XKR9: variants seen among roughly 807,000 people sequenced by gnomAD.
XKR9 encodes the protein XK-related protein 9.
Under a neutral mutation model 32.0 loss-of-function variants are expected in XKR9, and 32 were observed. That is an observed-to-expected ratio of 1.00 (90% CI 0.76 to 1.34). The LOEUF (loss-of-function observed/expected upper bound fraction) is 1.34. Among genes scored for constraint, XKR9 ranks in the 40% most tolerant of loss-of-function variants. The probability of loss-of-function intolerance (pLI) is 0.00; values close to 1 mark genes in which losing one functional copy is unlikely to be tolerated. For missense variants in XKR9, 546 were observed against 429.7 expected (o/e 1.27, Z -2.39); for synonymous variants, 168 against 143.4 (o/e 1.17, Z -1.22).
chr8:70,847,241 C>T, the XKR9 span, among the ~76,000 whole-genome samples: 2 of 151,744 alleles, frequency 1.3e-5, no homozygotes, highest in Non-Finnish European at 1.5e-5. Context: ...CCCTGAATGA[C>T]CAATGGGTCA....
intron 3 of XKR9, among the ~76,000 whole-genome samples, chr8:70,683,116 C>A (rs987378024): frequency 1.1e-4 from 17 of 152,080 alleles, no homozygotes; most frequent in African/African-American, 4.1e-4. Flanking sequence ...ATATATCAGC[C>A]CAGTTTGTAG....
intron 2 of XKR9, among the ~76,000 whole-genome samples, chr8:70,774,669 TC>T (rs2130239157): frequency 6.6e-6 from 1 of 152,250 alleles, no homozygotes; most frequent in South Asian, 2.1e-4. Flanking sequence ...GACTGTCCTC[TC>T]CCCATCAAAT....
chr8:70,725,863 A>G (rs1468752944), intron 4 of XKR9, among the ~76,000 whole-genome samples: 1 of 152,168 alleles, frequency 6.6e-6, no homozygotes. Flanking sequence ...CCTAGATTGC[A>G]TCACTGTACT....
At chr8:70,812,377 G>A in the XKR9 span, among the ~76,000 whole-genome samples, 11 of 152,280 alleles carry the variant, frequency 7.2e-5, no homozygotes, top group African/African-American at 2.4e-4. Flanking sequence ...TTTGAAAACT[G>A]GCACAAGACA....
intron 2 of XKR9, among the ~76,000 whole-genome samples, chr8:70,783,774 C>A (rs1807647230): frequency 6.6e-6 from 1 of 152,090 alleles, no homozygotes; most frequent in South Asian, 2.1e-4. Flanking sequence ...ATACATTAAT[C>A]ATTTCTCAGA....
chr8:70,978,298 G>T, the XKR9 span, among the ~76,000 whole-genome samples: 1 of 152,084 alleles, frequency 6.6e-6, no homozygotes, highest in South Asian at 2.1e-4. Context: ...TGGTTATTTT[G>T]CTCATTAGTT....
chr8:70,912,062 T>C, the XKR9 span, among the ~76,000 whole-genome samples: 9 of 152,234 alleles, frequency 5.9e-5, no homozygotes, highest in African/African-American at 1.4e-4. Flanking sequence ...AAATGAGCAG[T>C]ATTTGGCAAA....
chr8:70,795,985 C>G, the XKR9 span, among the ~76,000 whole-genome samples: 14 of 151,752 alleles, frequency 9.2e-5, no homozygotes, highest in Non-Finnish European at 1.9e-4. Context: ...GGTACTAGAC[C>G]TTTCTTTGTG....
At chr8:70,728,753 C>G (rs965844718) in intron 4 of XKR9, among the ~76,000 whole-genome samples, 9 of 152,164 alleles carry the variant, frequency 5.9e-5, no homozygotes, top group Admixed American at 3.9e-4. Context: ...ACAAAATGAA[C>G]TTTAGTCTTA....
chr8:71,060,126 T>C, the XKR9 span, among the ~76,000 whole-genome samples: 2 of 152,178 alleles, frequency 1.3e-5, no homozygotes, highest in African/African-American at 4.8e-5. Flanking sequence ...ATTCGCTCCA[T>C]GACTAGTTAC....
chr8:71,037,233 T>C, the XKR9 span, among the ~76,000 whole-genome samples: 1 of 152,198 alleles, frequency 6.6e-6, no homozygotes, highest in Non-Finnish European at 1.5e-5. Flanking sequence ...TTTTAGAACA[T>C]GTAAATTTCT....
the XKR9 span, among the ~76,000 whole-genome samples, chr8:70,858,728 C>T: frequency 6.6e-6 from 1 of 151,908 alleles, no homozygotes; most frequent in African/African-American, 2.4e-5. Context: ...TGATTTTTGA[C>T]AAAGGTATCA....
At chr8:71,042,985 A>G in the XKR9 span, among the ~76,000 whole-genome samples, 1 of 152,176 alleles carries the variant, frequency 6.6e-6, no homozygotes, top group Non-Finnish European at 1.5e-5. Flanking sequence ...AGCAACTCTG[A>G]TAAGCTGTGT....
the XKR9 span, among the ~76,000 whole-genome samples, chr8:71,016,875 A>T: frequency 1.3e-5 from 2 of 152,122 alleles, no homozygotes; most frequent in Non-Finnish European, 2.9e-5. Context: ...TGACCAGGAA[A>T]GCCCTGAAAA....
the XKR9 span, among the ~76,000 whole-genome samples, chr8:70,806,082 C>G: frequency 6.6e-6 from 1 of 152,188 alleles, no homozygotes; most frequent in African/African-American, 2.4e-5. Context: ...TGTTCTCAGC[C>G]TCCTTGAGTG....
chr8:70,849,223 A>C, the XKR9 span, among the ~76,000 whole-genome samples: 1 of 152,018 alleles, frequency 6.6e-6, no homozygotes, highest in Non-Finnish European at 1.5e-5. Context: ...AATACAAAAC[A>C]AAACAAAACA....
the XKR9 span, among the ~76,000 whole-genome samples, chr8:70,900,486 G>A: frequency 6.6e-6 from 1 of 152,024 alleles, no homozygotes; most frequent in Admixed American, 6.6e-5. Flanking sequence ...CCACTCGGGA[G>A]TCTGAGGCAG....
the XKR9 span, among the ~76,000 whole-genome samples, chr8:70,959,074 T>C: frequency 6.6e-6 from 1 of 152,190 alleles, no homozygotes; most frequent in Admixed American, 6.5e-5. Context: ...TTAAAATGTA[T>C]AACACATCAG....
the XKR9 span, among the ~76,000 whole-genome samples, chr8:70,819,949 T>G: frequency 2.6e-5 from 4 of 152,204 alleles, no homozygotes; most frequent in African/African-American, 7.2e-5. Flanking sequence ...AAAACATTTT[T>G]CCTTGTCATA....
Sources: gnomAD v4.1 joint callset for allele counts (sites outside exome capture counted in the v4.1 genomes callset) on GRCh38, gnomAD v4.1.1 for gene constraint, MANE v1.5 for transcripts, NCBI Gene and HGNC (gene_info 2026-07-23, HGNC 2026-07-21) for gene names.